Variants in GRID1 observed in about 807,000 individuals in gnomAD.
GRID1 encodes glutamate receptor ionotropic, delta-1.
A neutral mutation model predicts 98.0 loss-of-function variants in GRID1; 28 were observed. That is an observed-to-expected ratio of 0.29 (90% confidence interval 0.21 to 0.39). The LOEUF is 0.39. GRID1 is among the 10% of genes least tolerant of loss of function. GRID1 has a pLI of 1.00. For synonymous variants in GRID1, 553 were observed against 538.5 expected (o/e 1.03, Z -0.37); for missense variants, 1,111 against 1,340.5 (o/e 0.83, Z 2.67).
At chr10:85,863,458 T>A (rs1843185395) in intron 6 of GRID1, among the ~76,000 whole-genome samples, 1 of 152,092 alleles carries the variant, frequency 6.6e-6, no homozygotes, top group Non-Finnish European at 1.5e-5. Context: ...ATAGTGGATG[T>A]CTTGTGCAGA....
At chr10:85,729,385 G>C in intron 9 of GRID1, 128 bp downstream of exon 9, 1 of 570,350 alleles carries the variant, frequency 1.8e-6, no homozygotes. Flanking sequence ...TGAATGAAAG[G>C]CCTTATGAAA....
At chr10:86,251,053 G>A (rs927242387) in intron 2 of GRID1, among the ~76,000 whole-genome samples, 5 of 152,034 alleles carry the variant, frequency 3.3e-5, no homozygotes, top group East Asian at 1.9e-4. Flanking sequence ...CCCCAACCCC[G>A]TGCTCTCTGA....
intron 2 of GRID1, among the ~76,000 whole-genome samples, chr10:86,355,914 A>G (rs1848528280): frequency 6.6e-6 from 1 of 152,308 alleles, no homozygotes; most frequent in Non-Finnish European, 1.5e-5. Context: ...GGGAGTCTAT[A>G]TGAGGGACAG....
chr10:86,190,906 A>T (rs1042662358), intron 3 of GRID1, among the ~76,000 whole-genome samples: 1 of 150,430 alleles, frequency 6.6e-6, no homozygotes, highest in African/African-American at 2.4e-5. Context: ...GTGTACGTGC[A>T]TGCATGCATG....
chr10:85,677,406 T>C lies in GRID1; in HGVS notation c.1998-30009A>G, dbSNP rs571626476. ...GGAGTAGGGATCAGAGCTCACTTAG[T>C]TCCTGGATGCATCAATATGGGGAAT... is the stretch of plus-strand genomic sequence containing the variant. On this transcript the variant is annotated intron_variant, in intron 12 of 15. Transcript: ENST00000327946. Among the ~76,000 whole-genome samples the C allele has an allele frequency of 1.1e-4, 17 of 152,284 alleles. 1 individual carries two copies. In the East Asian group the frequency reaches 3.1e-3, roughly 28 times the overall value.
At chr10:85,875,969 G>A (rs1161513822) in intron 5 of GRID1, among the ~76,000 whole-genome samples, 1 of 152,134 alleles carries the variant, frequency 6.6e-6, no homozygotes, top group African/African-American at 2.4e-5. Context: ...ATTTGGGTTT[G>A]TTGGTGATAA....
At chr10:86,044,141 C>T (rs1843386455) in intron 4 of GRID1, among the ~76,000 whole-genome samples, 1 of 152,200 alleles carries the variant, frequency 6.6e-6, no homozygotes, top group South Asian at 2.1e-4. Context: ...AGGAAATGAA[C>T]TACACTGTGT....
At chr10:86,287,386 G>A (rs995186296) in intron 2 of GRID1, among the ~76,000 whole-genome samples, 1 of 152,176 alleles carries the variant, frequency 6.6e-6, no homozygotes, top group Non-Finnish European at 1.5e-5. Flanking sequence ...ACCATTCCTG[G>A]TCCCAGTAAC....
intron 4 of GRID1, among the ~76,000 whole-genome samples, chr10:85,917,091 C>CTCCTTCAA (rs533453223): frequency 4.9e-4 from 74 of 152,264 alleles, no homozygotes; most frequent in Middle Eastern, 3.4e-3. Context: ...TGCTTTCCCT[C>CTCCTTCAA]TCCTTCAATT....
chr10:86,027,670 G>A lies in GRID1; in HGVS notation c.726+111149C>T, dbSNP rs188365108. ...GGGAGTCTGCAGCTGCTTCTCCCAA[G>A]GTCCATTTGAGACCAAGTTTCCTTC... On this transcript the variant is annotated intron_variant, in intron 4 of 15. Coordinates refer to ENST00000327946, the MANE Select transcript of GRID1 (RefSeq NM_017551.3). 5.3e-5 allele frequency among the ~76,000 whole-genome samples: 8 copies of A among 152,262 alleles called. No individual in the cohort carries two copies. The East Asian group carries it at 1.5e-3, about 29-fold the overall frequency.
intron 2 of GRID1, among the ~76,000 whole-genome samples, chr10:86,285,185 T>G (rs1266126491): frequency 6.6e-6 from 1 of 150,650 alleles, no homozygotes; most frequent in Non-Finnish European, 1.5e-5. Flanking sequence ...ACCAGTAGTG[T>G]CAGACTCCAC....
intron 3 of GRID1, among the ~76,000 whole-genome samples, chr10:86,162,227 A>G (rs1012720324): frequency 6.6e-6 from 1 of 152,166 alleles, no homozygotes; most frequent in African/African-American, 2.4e-5. Context: ...AGCAAGGCCC[A>G]GGGAGGAAAA....
At chr10:86,215,522 G>A (rs1311642222) in intron 2 of GRID1, among the ~76,000 whole-genome samples, 1 of 152,172 alleles carries the variant, frequency 6.6e-6, no homozygotes, top group African/African-American at 2.4e-5. Flanking sequence ...AGGCTCCCCA[G>A]CCAGGATTCA....
At chr10:86,208,906 C>T (rs1231899844) in intron 2 of GRID1, among the ~76,000 whole-genome samples, 2 of 152,240 alleles carry the variant, frequency 1.3e-5, no homozygotes, top group Non-Finnish European at 1.5e-5. Flanking sequence ...TCAGAGGACA[C>T]TATCCATACT....
At chr10:86,304,182 G>A (rs745662019) in intron 2 of GRID1, among the ~76,000 whole-genome samples, 5 of 152,182 alleles carry the variant, frequency 3.3e-5, no homozygotes, top group Non-Finnish European at 7.3e-5. Flanking sequence ...CTCCTCAATA[G>A]CCTGCTTCAA....
At chr10:86,140,630 G>T (rs1409781147) in intron 3 of GRID1, among the ~76,000 whole-genome samples, 1 of 152,126 alleles carries the variant, frequency 6.6e-6, no homozygotes, top group African/African-American at 2.4e-5. Flanking sequence ...TGTGCACAGG[G>T]CCCCCCTTAC....
At chr10:85,792,145 C>T (rs1392407027) in intron 8 of GRID1, among the ~76,000 whole-genome samples, 1 of 151,680 alleles carries the variant, frequency 6.6e-6, no homozygotes, top group Non-Finnish European at 1.5e-5. Context: ...AGGCCTGGGA[C>T]CTCAGCCTCC....
At chr10:85,851,209 C>T (rs1052433256) in intron 8 of GRID1, among the ~76,000 whole-genome samples, 1 of 152,112 alleles carries the variant, frequency 6.6e-6, no homozygotes, top group Non-Finnish European at 1.5e-5. Context: ...GAAGCATATA[C>T]CACCCCCCAC....
intron 2 of GRID1, among the ~76,000 whole-genome samples, chr10:86,318,900 T>A (rs1344147565): frequency 6.6e-6 from 1 of 152,128 alleles, no homozygotes; most frequent in African/African-American, 2.4e-5. Flanking sequence ...TACATATACA[T>A]CATGAGTGCC....
Sources: allele counts gnomAD v4.1 joint callset (sites outside exome capture counted in the v4.1 genomes callset), GRCh38; gene constraint gnomAD v4.1.1; transcripts MANE v1.5; gene names NCBI Gene and HGNC (gene_info 2026-07-23, HGNC 2026-07-21).